The following RBM26 variants were observed in gnomAD, a reference collection of about 807,000 sequenced individuals.
RBM26 encodes RNA-binding protein 26.
In RBM26, 30 loss-of-function variants were observed where a neutral mutation model predicts 123.6. The observed-to-expected ratio is 0.24, with a 90% CI of 0.18 to 0.33. RBM26 has a LOEUF of 0.33. RBM26 is among the 10% of genes least tolerant of loss of function. RBM26 has a pLI of 1.00. For synonymous variants in RBM26, 400 were observed against 404.4 expected (o/e 0.99, Z 0.13); for missense variants, 947 against 1,203.6 (o/e 0.79, Z 3.15).
intron 11 of RBM26, among the ~76,000 whole-genome samples, chr13:79,357,746 T>C (rs933597640): frequency 1.3e-5 from 2 of 152,162 alleles, no homozygotes; most frequent in Non-Finnish European, 2.9e-5. Context: ...GTGATTAACT[T>C]TGCTGTAGTT....
intron 20 of RBM26, among the ~76,000 whole-genome samples, chr13:79,326,626 T>A (rs1179449033): frequency 1.3e-5 from 2 of 152,134 alleles, no homozygotes; most frequent in African/African-American, 4.8e-5. Flanking sequence ...CAAAACAGCC[T>A]GTAAAAAGAC....
chr13:79,325,461 T>TCAGACCTGAGCTCAGG (rs1555292639), intron 20 of RBM26, among the ~76,000 whole-genome samples: 1 of 152,122 alleles, frequency 6.6e-6, no homozygotes, highest in Non-Finnish European at 1.5e-5. Flanking sequence ...AGACATAGAC[T>TCAGACCTGAGCTCAGG]AATGTATGTG....
chr13:79,356,385 C>CAAAAAAAAAAA, intron 11 of RBM26, among the ~76,000 whole-genome samples: 1 of 12,392 alleles, frequency 8.1e-5, no homozygotes. Flanking sequence ...AAAAAAAAAA[C>CAAAAAAAAAAA]AAACAAAAAA....
intron 9 of RBM26, 23 bp from the exon 10 acceptor site, chr13:79,359,709 GA>G: frequency 1.5e-6 from 2 of 1,330,000 alleles, no homozygotes; most frequent in Non-Finnish European, 2.1e-6. Flanking sequence ...AAAAGAAAAT[GA>G]AAAAAATAAG....
intron 17 of RBM26, 76 bp downstream of exon 17, chr13:79,342,588 A>C: frequency 8.2e-7 from 1 of 1,220,390 alleles, no homozygotes; most frequent in Non-Finnish European, 1.2e-6. Context: ...TACCTACAAG[A>C]AAAACTGAAT....
chr13:79,402,435 C>T (rs1018633993), intron 1 of RBM26, among the ~76,000 whole-genome samples: 1 of 140,620 alleles, frequency 7.1e-6, no homozygotes, highest in Admixed American at 7.0e-5. Context: ...CACAGCCAGG[C>T]TTTTTTTTTT....
Position 79,375,081 on chromosome 13 carries a change from T to TATATAAATATACATTTATATATC in RBM26, c.327+2297_327+2298insGATATATAAATGTATATTTATAT, listed in dbSNP as rs1378814565. On this transcript the variant is annotated intron_variant, in intron 3 of 21. Coordinates refer to ENST00000438737, the MANE Select transcript of RBM26 (RefSeq NM_001366735.2). ...TATATTTTTATATATTTATATGATATATATAAATATATATTTATATATATC... is the reference window on the plus strand; with the variant it reads ...TATATTTTTATATATTTATATGATATATATAAATATACATTTATATATCATATAAATATATATTTATATATATC... Among the ~76,000 whole-genome samples the TATATAAATATACATTTATATATC allele has an allele frequency of 4.8e-5, 5 of 104,366 alleles. No individual in the cohort carries two copies. The South Asian group carries it at 1.7e-3, about 34-fold the overall frequency. The allele number at this position is 104,366 out of a possible 152,430, so 68.5% of individuals were successfully genotyped here. A position where few individuals can be genotyped will look rare whatever the true frequency, so the allele number is the denominator to read the frequency against.
intron 14 of RBM26, among the ~76,000 whole-genome samples, chr13:79,348,204 T>G (rs1027314587): frequency 2.6e-5 from 4 of 152,118 alleles, no homozygotes; most frequent in Non-Finnish European, 5.9e-5. Context: ...ATGACAGATG[T>G]TGGTCTGTAA....
intron 18 of RBM26, among the ~76,000 whole-genome samples, chr13:79,339,902 A>G (rs963576841): frequency 6.6e-6 from 1 of 152,140 alleles, no homozygotes; most frequent in South Asian, 2.1e-4. Flanking sequence ...TACTGCATAA[A>G]ACTAATATTC....
intron 11 of RBM26, among the ~76,000 whole-genome samples, chr13:79,356,867 T>TA (rs1156387740): frequency 3.9e-5 from 6 of 152,084 alleles, no homozygotes; most frequent in Non-Finnish European, 7.4e-5. Flanking sequence ...CCCTCAGCTT[T>TA]AAAAAAAATT....
chr13:79,323,856 T>C (rs948651011), intron 20 of RBM26, among the ~76,000 whole-genome samples: 2 of 151,742 alleles, frequency 1.3e-5, no homozygotes, highest in South Asian at 2.1e-4. Context: ...GCTGTGTAAA[T>C]TTTTGAAAGA....
chr13:79,371,274 C>T (rs2075847451), intron 4 of RBM26, 112 bp from the exon 5 acceptor site: 2 of 820,958 alleles, frequency 2.4e-6, no homozygotes, highest in Non-Finnish European at 3.8e-6. Flanking sequence ...TCTATCCTAC[C>T]ATCAGACAAC....
At chr13:79,366,536 G>T (rs1173409898) in intron 7 of RBM26, 97 bp downstream of exon 7, 3 of 1,262,924 alleles carry the variant, frequency 2.4e-6, no homozygotes, top group Non-Finnish European at 3.2e-6. Context: ...GCATTTTTGG[G>T]ATTCCTTTAG....
intron 3 of RBM26, among the ~76,000 whole-genome samples, chr13:79,372,598 G>C (rs947226646): frequency 1.3e-5 from 2 of 148,976 alleles, no homozygotes; most frequent in African/African-American, 4.9e-5. Flanking sequence ...TTTTGGTTTC[G>C]TGGACTTGGT....
At chr13:79,402,783 C>A (rs530945379) in intron 1 of RBM26, among the ~76,000 whole-genome samples, 12 of 152,132 alleles carry the variant, frequency 7.9e-5, no homozygotes, top group Non-Finnish European at 1.6e-4. Flanking sequence ...GGAAGTGTTT[C>A]CTGATGTTCC....
chr13:79,395,092 CTGAA>C (rs2078440630), intron 1 of RBM26, among the ~76,000 whole-genome samples: 1 of 152,164 alleles, frequency 6.6e-6, no homozygotes, highest in Non-Finnish European at 1.5e-5. Context: ...TGCCCCCTTA[CTGAA>C]AATAAATCTT....
chr13:79,334,718 GTTC>G (rs1255106758), intron 19 of RBM26, among the ~76,000 whole-genome samples: 1 of 152,070 alleles, frequency 6.6e-6, no homozygotes, highest in Non-Finnish European at 1.5e-5. Flanking sequence ...AAGCCTGAGC[GTTC>G]TTGCTAACTA....
chr13:79,354,611 A>G, intron 12 of RBM26, 41 bp from the exon 13 acceptor site: 1 of 1,521,510 alleles, frequency 6.6e-7, no homozygotes, highest in Non-Finnish European at 8.9e-7. Flanking sequence ...TGATTCATTC[A>G]AAAGGATGGA....
chr13:79,328,705 A>AAAAAAAAAC (rs2068819638), intron 20 of RBM26, among the ~76,000 whole-genome samples: 1 of 149,178 alleles, frequency 6.7e-6, no homozygotes, highest in Non-Finnish European at 1.5e-5. Flanking sequence ...AAAAAAAAAA[A>AAAAAAAAAC]AAGACTACTC....
Sources: gnomAD v4.1 joint callset for allele counts (sites outside exome capture counted in the v4.1 genomes callset) on GRCh38, gnomAD v4.1.1 for gene constraint, MANE v1.5 for transcripts, NCBI Gene and HGNC (gene_info 2026-07-23, HGNC 2026-07-21) for gene names.